MAML2: variants seen among roughly 807,000 people sequenced by gnomAD.
MAML2 encodes mastermind-like protein 2.
Under a neutral mutation model 96.1 loss-of-function variants are expected in MAML2, and 22 were observed. The observed-to-expected ratio is 0.23, with a 90% CI of 0.16 to 0.33. The LOEUF is 0.33. Among genes scored for constraint, MAML2 ranks in the 10% least tolerant of loss-of-function variants. The pLI, the probability that MAML2 is intolerant of heterozygous loss-of-function variation, is 1.00. For missense variants in MAML2, 1,367 were observed against 1,392.4 expected (o/e 0.98, Z 0.29); for synonymous variants, 561 against 521.3 (o/e 1.08, Z -1.04).
chr11:95,981,584 C>T (rs1362038933), intron 4 of MAML2, among the ~76,000 whole-genome samples: 1 of 152,174 alleles, frequency 6.6e-6, no homozygotes, highest in Admixed American at 6.5e-5. Context: ...AGTAGCTTTG[C>T]TATTTATTTA....
chr11:96,180,370 A>G (rs1162813425), intron 1 of MAML2, among the ~76,000 whole-genome samples: 1 of 152,166 alleles, frequency 6.6e-6, no homozygotes, highest in Non-Finnish European at 1.5e-5. Context: ...TGTGACTTCC[A>G]AGGCTAGGTT....
At chr11:96,043,838 C>T (rs1311525357) in intron 2 of MAML2, among the ~76,000 whole-genome samples, 1 of 152,176 alleles carries the variant, frequency 6.6e-6, no homozygotes, top group Non-Finnish European at 1.5e-5. Context: ...CAGTAACTAT[C>T]CTACTAAGAA....
chr11:96,212,108 AGTGTGTGT>A (rs72133828), intron 1 of MAML2, among the ~76,000 whole-genome samples: 3,956 of 134,152 alleles, frequency 0.029, 60 homozygotes, highest in Non-Finnish European at 0.043. Flanking sequence ...AGGAAGACAA[AGTGTGTGT>A]GTGTGTGTGT....
At chr11:96,170,606 G>C (rs1166941881) in intron 1 of MAML2, among the ~76,000 whole-genome samples, 1 of 152,220 alleles carries the variant, frequency 6.6e-6, no homozygotes, top group Non-Finnish European at 1.5e-5. Flanking sequence ...GTAGATGTTT[G>C]ATGCGTGGAT....
intron 1 of MAML2, among the ~76,000 whole-genome samples, chr11:96,102,081 C>A (rs889026862): frequency 6.6e-6 from 1 of 152,168 alleles, no homozygotes; most frequent in Admixed American, 6.5e-5. Context: ...TCGAGACCAT[C>A]CTAGCTAACA....
intron 1 of MAML2, among the ~76,000 whole-genome samples, chr11:96,230,714 CT>C (rs1862281593): frequency 6.6e-6 from 1 of 152,242 alleles, no homozygotes; most frequent in African/African-American, 2.4e-5. Flanking sequence ...CCAACGTTCT[CT>C]GATTTCATCC....
intron 1 of MAML2, among the ~76,000 whole-genome samples, chr11:96,208,845 T>C (rs758369575): frequency 2.0e-5 from 3 of 151,932 alleles, no homozygotes; most frequent in Non-Finnish European, 2.9e-5. Flanking sequence ...AATGGAAAAA[T>C]CTTCAGTGAA....
At chr11:96,126,548 C>T (rs779895951) in intron 1 of MAML2, among the ~76,000 whole-genome samples, 5 of 152,036 alleles carry the variant, frequency 3.3e-5, no homozygotes, top group South Asian at 2.1e-4. Flanking sequence ...GGCAACAGAG[C>T]GAGACTCCAT....
chr11:96,083,060 A>C (rs1331080878), intron 2 of MAML2, among the ~76,000 whole-genome samples: 1 of 152,210 alleles, frequency 6.6e-6, no homozygotes, highest in Non-Finnish European at 1.5e-5. Flanking sequence ...GCTGAAGTTC[A>C]ATGTTGGCCT....
chr11:96,316,242 G>A (rs75917368), intron 1 of MAML2, among the ~76,000 whole-genome samples: 4 of 152,168 alleles, frequency 2.6e-5, no homozygotes, highest in Non-Finnish European at 5.9e-5. Flanking sequence ...GAAGCAACCA[G>A]TATACCCAAG....
chr11:96,189,503 T>A (rs1168672948), intron 1 of MAML2, among the ~76,000 whole-genome samples: 2 of 152,228 alleles, frequency 1.3e-5, no homozygotes, highest in Non-Finnish European at 2.9e-5. Flanking sequence ...AGTAGTCTCT[T>A]ACCACTATGA....
At chr11:96,148,460 GA>G (rs745459641) in intron 1 of MAML2, among the ~76,000 whole-genome samples, 175 of 139,978 alleles carry the variant, frequency 1.3e-3, no homozygotes, top group Middle Eastern at 3.6e-3. Context: ...TGGGTAACAT[GA>G]AAAAAAAAAA....
chr11:96,048,049 G>C (rs370324833), intron 2 of MAML2, among the ~76,000 whole-genome samples: 4 of 152,010 alleles, frequency 2.6e-5, no homozygotes, highest in African/African-American at 9.7e-5. Flanking sequence ...TGGTAGGTGG[G>C]GTAGTTTGAG....
intron 1 of MAML2, among the ~76,000 whole-genome samples, chr11:96,224,890 GT>G (rs149660689): frequency 6.6e-5 from 10 of 151,592 alleles, no homozygotes; most frequent in South Asian, 2.1e-4. Flanking sequence ...AAGGATTTTT[GT>G]TTTTTTTCAA....
intron 3 of MAML2, among the ~76,000 whole-genome samples, chr11:95,988,113 ATGTGTGTGTGTGTG>A (rs141507951): frequency 2.2e-3 from 315 of 145,472 alleles, no homozygotes; most frequent in Admixed American, 3.0e-3. Flanking sequence ...TGAAGACAGG[ATGTGTGTGTGTGTG>A]TGTGTGTGTG....
chr11:95,997,885 G>A (rs929961020), intron 2 of MAML2, among the ~76,000 whole-genome samples: 14 of 151,956 alleles, frequency 9.2e-5, no homozygotes, highest in African/African-American at 3.1e-4. Context: ...CTCTGAGAAT[G>A]TTTTAAAATT....
At chr11:96,333,016 C>T (rs1019036793) in intron 1 of MAML2, among the ~76,000 whole-genome samples, 5 of 152,148 alleles carry the variant, frequency 3.3e-5, no homozygotes, top group African/African-American at 1.2e-4. Context: ...TAGAAACAGA[C>T]ATGTAATTAA....
At chr11:96,158,564 G>T (rs1299203353) in intron 1 of MAML2, among the ~76,000 whole-genome samples, 31 of 152,148 alleles carry the variant, frequency 2.0e-4, no homozygotes. Context: ...GATTTCTTTT[G>T]CCTGGGTGGA....
At chr11:96,231,823 T>C (rs1771830798) in intron 1 of MAML2, among the ~76,000 whole-genome samples, 1 of 152,130 alleles carries the variant, frequency 6.6e-6, no homozygotes, top group Admixed American at 6.5e-5. Flanking sequence ...GGAATCTCCT[T>C]AGGTTAAAAA....
Sources: gnomAD v4.1 joint callset for allele counts (sites outside exome capture counted in the v4.1 genomes callset) on GRCh38, gnomAD v4.1.1 for gene constraint, MANE v1.5 for transcripts, NCBI Gene and HGNC (gene_info 2026-07-23, HGNC 2026-07-21) for gene names.